The following ZNF345 variants were observed in gnomAD, a reference collection of about 807,000 sequenced individuals.
ZNF345 encodes the protein zinc finger protein HZF10.
For synonymous variants in ZNF345, 166 were observed against 187.9 expected (o/e 0.88, Z 0.95); for missense variants, 527 against 589.9 (o/e 0.89, Z 1.10).
At chr19:36,872,166 A>G (rs2072784459) in intron 2 of ZNF345, among the ~76,000 whole-genome samples, 1 of 152,090 alleles carries the variant, frequency 6.6e-6, no homozygotes, top group Non-Finnish European at 1.5e-5. Context: ...CATGTATAGG[A>G]AGCTTAGATT....
rs770704030 is a variant in ZNF345 at position 36,877,579 on chromosome 19, GA to G, written c.751del (p.Ile251PhefsTer140). The stretch of plus-strand genomic sequence containing the variant: ...GGTTCGGCTCTTACTCGGCATCAGA[GA>G]ATTCATACCGGTGAGAAACCATATA... Reference protein sequence around the residue: ...SSGSALTRHQRIHTGEKPYIC... With the variant: ...SSGSALTRHQXIHTGEKPYIC... On this transcript the variant is annotated frameshift_variant, in exon 3 of 3. Coordinates refer to ENST00000420450, the MANE Select transcript of ZNF345 (RefSeq NM_001242472.2). LOFTEE classifies it low-confidence loss of function (END_TRUNC). 34 of 1,614,018 alleles carry G rather than the reference GA, an allele frequency of 2.1e-5. No individual in the cohort carries two copies. The highest frequency in any genetic ancestry group is 2.8e-5 in the Non-Finnish European group (33 of 1,180,042).
chr19:36,858,784 T>TA (rs912366699), intron 2 of ZNF345, among the ~76,000 whole-genome samples: 8 of 151,678 alleles, frequency 5.3e-5, no homozygotes, highest in African/African-American at 1.9e-4. Context: ...AAAATCAAAA[T>TA]AAAAAATAAA....
intron 2 of ZNF345, among the ~76,000 whole-genome samples, chr19:36,866,309 C>G (rs2146169038): frequency 6.6e-6 from 1 of 152,032 alleles, no homozygotes; most frequent in African/African-American, 2.4e-5. Context: ...CCCATATAAC[C>G]ACCATGAAGA....
At chr19:36,892,233 A>C in intron 3 of ZNF345, 1 of 1,614,108 alleles carries the variant, frequency 6.2e-7, no homozygotes, top group Non-Finnish European at 8.5e-7. Context: ...CATACTCCTT[A>C]GATTCATAGT....
intron 3 of ZNF345, chr19:36,892,553 T>C (rs1025349877): frequency 7.3e-7 from 1 of 1,366,390 alleles, no homozygotes; most frequent in Non-Finnish European, 9.8e-7. Flanking sequence ...AGAATTAAAC[T>C]GAAAAGAATA....
chr19:36,891,874 G>C, intron 3 of ZNF345: 1 of 1,613,846 alleles, frequency 6.2e-7, no homozygotes. Context: ...TGAGTGTTGA[G>C]TAAAGGCTTT....
intron 2 of ZNF345, among the ~76,000 whole-genome samples, chr19:36,859,002 A>C (rs1173983034): frequency 1.3e-5 from 2 of 152,054 alleles, no homozygotes; most frequent in Non-Finnish European, 2.9e-5. Context: ...GTATGAAAAT[A>C]CACTGGTCAT....
chr19:36,868,506 A>C (rs186525612), intron 2 of ZNF345, among the ~76,000 whole-genome samples: 1 of 152,190 alleles, frequency 6.6e-6, no homozygotes, highest in Admixed American at 6.5e-5. Context: ...TGATTACTGT[A>C]GCTTTATAAT....
At chr19:36,872,354 G>A (rs1443331096) in intron 2 of ZNF345, among the ~76,000 whole-genome samples, 1 of 152,188 alleles carries the variant, frequency 6.6e-6, no homozygotes, top group Non-Finnish European at 1.5e-5. Context: ...TGTTGGAGGT[G>A]GGGCCTAATG....
At chr19:36,883,674 CT>C (rs2072981258), downstream of ZNF345, among the ~76,000 whole-genome samples, 2 of 152,168 alleles carry the variant, frequency 1.3e-5, no homozygotes, top group African/African-American at 4.8e-5. Context: ...GAAATAGCCC[CT>C]CTCCTAATTT....
At chr19:36,859,266 C>A (rs952665530) in intron 2 of ZNF345, among the ~76,000 whole-genome samples, 2 of 151,938 alleles carry the variant, frequency 1.3e-5, no homozygotes, top group Non-Finnish European at 2.9e-5. Context: ...AGTGATTCTC[C>A]TGCCTCAGCC....
At chr19:36,892,456 C>T (rs578003675) in intron 3 of ZNF345, 31 of 1,585,572 alleles carry the variant, frequency 2.0e-5, no homozygotes, top group African/African-American at 4.1e-5. Flanking sequence ...TTTGGTCTCA[C>T]ACATTGATTC....
intron 2 of ZNF345, among the ~76,000 whole-genome samples, chr19:36,854,235 G>GTTTTTTTTTTTTTTTTTTTTT (rs34215056): frequency 7.2e-6 from 1 of 138,700 alleles, no homozygotes; most frequent in Non-Finnish European, 1.6e-5. Context: ...CCTGGGTTTT[G>GTTTTTTTTTTTTTTTTTTTTT]TTTTTTTTTT....
chr19:36,856,637 C>T (rs978976687), intron 2 of ZNF345, among the ~76,000 whole-genome samples: 1 of 152,114 alleles, frequency 6.6e-6, no homozygotes, highest in African/African-American at 2.4e-5. Flanking sequence ...AGGCGCATCA[C>T]CTGAGGTCAG....
At chr19:36,867,840 T>C (rs2072690660) in intron 2 of ZNF345, among the ~76,000 whole-genome samples, 1 of 152,154 alleles carries the variant, frequency 6.6e-6, no homozygotes, top group Admixed American at 6.5e-5. Flanking sequence ...TCCATTAGTT[T>C]ACAAGTCTGT....
At chr19:36,853,927 A>G (rs912163602) in intron 2 of ZNF345, among the ~76,000 whole-genome samples, 1 of 152,192 alleles carries the variant, frequency 6.6e-6, no homozygotes, top group African/African-American at 2.4e-5. Context: ...CCACCCAAAC[A>G]TCTCTTGGAA....
downstream of ZNF345, among the ~76,000 whole-genome samples, chr19:36,883,237 T>C (rs1020796110): frequency 6.6e-6 from 1 of 152,222 alleles, no homozygotes; most frequent in Non-Finnish European, 1.5e-5. Flanking sequence ...TTAAAATATC[T>C]TTTTCTATTA....
intron 3 of ZNF345, among the ~76,000 whole-genome samples, chr19:36,887,186 ACCACCACCAC>A (rs1568364501): frequency 8.6e-5 from 13 of 151,766 alleles, no homozygotes; most frequent in Non-Finnish European, 1.8e-4. Context: ...CACCACCACC[ACCACCACCAC>A]CAACAACAAC....
At chr19:36,857,638 T>A (rs2072451014) in intron 2 of ZNF345, among the ~76,000 whole-genome samples, 1 of 151,880 alleles carries the variant, frequency 6.6e-6, no homozygotes, top group Non-Finnish European at 1.5e-5. Context: ...AATTTCATAT[T>A]GGCTTGATCA....
Sources: allele counts gnomAD v4.1 joint callset (sites outside exome capture counted in the v4.1 genomes callset), GRCh38; gene constraint gnomAD v4.1.1; transcripts MANE v1.5; gene names NCBI Gene and HGNC (gene_info 2026-07-23, HGNC 2026-07-21).